SYNPR: variants seen among roughly 807,000 people sequenced by gnomAD.
SYNPR encodes synaptoporin.
SYNPR carries 23 observed loss-of-function variants against 32.9 expected under a neutral mutation model. That is an observed-to-expected ratio of 0.70 (90% confidence interval 0.50 to 0.99). The LOEUF is 0.99. SYNPR is among the 50% of genes least tolerant of loss of function. The pLI, the probability that SYNPR is intolerant of heterozygous loss-of-function variation, is 0.00. For missense variants in SYNPR, 318 were observed against 349.3 expected (o/e 0.91, Z 0.71); for synonymous variants, 146 against 135.9 (o/e 1.07, Z -0.52).
intron 2 of SYNPR, among the ~76,000 whole-genome samples, chr3:63,404,462 A>AATCAATT (rs1256286893): frequency 6.6e-6 from 1 of 152,316 alleles, no homozygotes; most frequent in East Asian, 1.9e-4. Flanking sequence ...TTTAAAAGAA[A>AATCAATT]ATCAATTATC....
chr3:63,582,009 A>G (rs1282781283), intron 4 of SYNPR, among the ~76,000 whole-genome samples: 1 of 152,146 alleles, frequency 6.6e-6, no homozygotes, highest in Non-Finnish European at 1.5e-5. Flanking sequence ...GTGTTTTCCA[A>G]TAGATTCAAT....
At chr3:63,421,048 T>C (rs1045833371) in intron 2 of SYNPR, among the ~76,000 whole-genome samples, 2 of 152,104 alleles carry the variant, frequency 1.3e-5, no homozygotes, top group Admixed American at 1.3e-4. Context: ...GCCCAGCTAA[T>C]TTTTAAATTT....
chr3:63,452,608 A>T (rs1032227438), intron 2 of SYNPR, among the ~76,000 whole-genome samples: 8 of 152,098 alleles, frequency 5.3e-5, no homozygotes, highest in African/African-American at 1.4e-4. Context: ...CATGCTCTAT[A>T]CCTCATACAC....
intron 2 of SYNPR, among the ~76,000 whole-genome samples, chr3:63,361,576 T>C (rs914015913): frequency 5.4e-5 from 7 of 130,328 alleles, no homozygotes; most frequent in Non-Finnish European, 7.7e-5. Context: ...CCAGCCTGGG[T>C]GACAGAGCGA....
At chr3:63,293,880 A>C (rs2086767814) in intron 2 of SYNPR, among the ~76,000 whole-genome samples, 1 of 152,062 alleles carries the variant, frequency 6.6e-6, no homozygotes, top group African/African-American at 2.4e-5. Context: ...ACCTCATCTT[A>C]ACTAATCATA....
At chr3:63,372,388 C>A (rs2087827304) in intron 2 of SYNPR, among the ~76,000 whole-genome samples, 3 of 152,082 alleles carry the variant, frequency 2.0e-5, no homozygotes, top group Non-Finnish European at 4.4e-5. Flanking sequence ...CCAGAGGCAA[C>A]TGAAAGCCCC....
intron 2 of SYNPR, among the ~76,000 whole-genome samples, chr3:63,435,798 T>C (rs1285718475): frequency 2.6e-5 from 4 of 152,242 alleles, no homozygotes; most frequent in South Asian, 4.1e-4. Context: ...ATTTTGAACA[T>C]TGAAAGTCTA....
chr3:63,308,760 T>C (rs2086932546), intron 2 of SYNPR, among the ~76,000 whole-genome samples: 1 of 151,980 alleles, frequency 6.6e-6, no homozygotes, highest in South Asian at 2.1e-4. Context: ...ATCATATGCT[T>C]TGAACAATTT....
intron 4 of SYNPR, among the ~76,000 whole-genome samples, chr3:63,601,957 T>C (rs1418174552): frequency 6.6e-6 from 1 of 152,202 alleles, no homozygotes; most frequent in Admixed American, 6.5e-5. Flanking sequence ...CAACAGTGTA[T>C]TAGCATTCCT....
chr3:63,528,570 G>A (rs545195060), intron 3 of SYNPR, among the ~76,000 whole-genome samples: 21 of 152,206 alleles, frequency 1.4e-4, no homozygotes, highest in East Asian at 9.7e-4. Context: ...ACACTAAAAC[G>A]TGTTGTTTGA....
intron 2 of SYNPR, among the ~76,000 whole-genome samples, chr3:63,347,919 ATG>A (rs1316736326): frequency 1.7e-5 from 2 of 120,084 alleles, no homozygotes; most frequent in Non-Finnish European, 3.7e-5. Context: ...GTGTGTGTGT[ATG>A]TATATATCAC....
intron 2 of SYNPR, among the ~76,000 whole-genome samples, chr3:63,349,848 T>C (rs891458748): frequency 6.6e-6 from 1 of 152,228 alleles, no homozygotes; most frequent in African/African-American, 2.4e-5. Context: ...TTGAACTTAA[T>C]TTTGATTCTT....
At chr3:63,221,573 G>A in the SYNPR span, among the ~76,000 whole-genome samples, 2 of 152,118 alleles carry the variant, frequency 1.3e-5, no homozygotes, top group Non-Finnish European at 2.9e-5. Flanking sequence ...CTCCTATGCT[G>A]TACCTTCTAT....
At chr3:63,456,531 A>G (rs1448873426) in intron 2 of SYNPR, among the ~76,000 whole-genome samples, 1 of 152,130 alleles carries the variant, frequency 6.6e-6, no homozygotes. Context: ...TAATCATTGA[A>G]TTCTCACAAC....
At chr3:63,426,337 G>A (rs1415971806) in intron 2 of SYNPR, among the ~76,000 whole-genome samples, 5 of 152,094 alleles carry the variant, frequency 3.3e-5, no homozygotes, top group East Asian at 1.9e-4. Context: ...TTTGACTTGG[G>A]CTGGAACTGT....
intron 3 of SYNPR, among the ~76,000 whole-genome samples, chr3:63,544,480 A>T (rs900185053): frequency 6.6e-6 from 1 of 152,028 alleles, no homozygotes; most frequent in Non-Finnish European, 1.5e-5. Context: ...TGCATAAGTG[A>T]TTACTATTTA....
intron 2 of SYNPR, among the ~76,000 whole-genome samples, chr3:63,439,156 T>G (rs1168430952): frequency 6.6e-6 from 1 of 152,202 alleles, no homozygotes; most frequent in Non-Finnish European, 1.5e-5. Context: ...TCTTTTGAAG[T>G]TGTCTGAAGG....
intron 3 of SYNPR, among the ~76,000 whole-genome samples, chr3:63,528,029 G>A (rs1559527007): frequency 6.6e-6 from 1 of 152,040 alleles, no homozygotes; most frequent in East Asian, 1.9e-4. Flanking sequence ...ACTCCTGCTG[G>A]TCTCTCACCT....
chr3:63,553,928 T>C (rs1472046538), intron 3 of SYNPR, among the ~76,000 whole-genome samples: 1 of 151,940 alleles, frequency 6.6e-6, no homozygotes, highest in East Asian at 1.9e-4. Context: ...TCCATGTTGG[T>C]CAGGCTGGTC....
Sources: allele counts gnomAD v4.1 joint callset (sites outside exome capture counted in the v4.1 genomes callset), GRCh38; gene constraint gnomAD v4.1.1; transcripts MANE v1.5; gene names NCBI Gene and HGNC (gene_info 2026-07-23, HGNC 2026-07-21).